CDH22: variants seen among roughly 807,000 people sequenced by gnomAD.
The protein encoded by CDH22 is cadherin-22.
Under a neutral mutation model 58.4 loss-of-function variants are expected in CDH22, and 30 were observed. The observed-to-expected ratio is 0.51, with a 90% CI of 0.38 to 0.70. The LOEUF is 0.70. Ranked by LOEUF, CDH22 falls within the 30% of genes least tolerant of loss-of-function variation. CDH22 has a pLI of 0.00. For synonymous variants in CDH22, 513 were observed against 558.2 expected, an observed-to-expected ratio of 0.92 and a Z score of 1.14; for missense variants, 1,014 against 1,233.9, an observed-to-expected ratio of 0.82 and a Z score of 2.67.
At chr20:46,306,440 C>T (rs1393573352) in intron 1 of CDH22, among the ~76,000 whole-genome samples, 1 of 152,358 alleles carries the variant, frequency 6.6e-6, no homozygotes, top group Admixed American at 6.5e-5. Context: ...GATGGGGCCA[C>T]CCAAGAGGTA....
intron 4 of CDH22, among the ~76,000 whole-genome samples, chr20:46,217,524 A>T (rs528001694): frequency 6.6e-6 from 1 of 152,268 alleles, no homozygotes; most frequent in East Asian, 1.9e-4. Flanking sequence ...ACACACACTC[A>T]TATACCTTAC....
intron 4 of CDH22, among the ~76,000 whole-genome samples, chr20:46,221,524 G>A (rs1718472904): frequency 6.6e-6 from 1 of 152,182 alleles, no homozygotes; most frequent in Non-Finnish European, 1.5e-5. Context: ...TCTCAGGACT[G>A]TGTTCCAGGA....
chr20:46,221,378 C>T (rs1179759698), intron 4 of CDH22, among the ~76,000 whole-genome samples: 1 of 148,532 alleles, frequency 6.7e-6, no homozygotes, highest in African/African-American at 2.5e-5. Context: ...ACTCACGCAT[C>T]TGAGCCTAAA....
intron 4 of CDH22, among the ~76,000 whole-genome samples, chr20:46,225,918 G>A (rs1006390341): frequency 1.3e-5 from 2 of 151,914 alleles, no homozygotes; most frequent in African/African-American, 4.8e-5. Context: ...CTCATGGATT[G>A]GAATCCTCTC....
chr20:46,307,265 TC>T (rs1251153100), intron 1 of CDH22, among the ~76,000 whole-genome samples: 1 of 152,180 alleles, frequency 6.6e-6, no homozygotes, highest in African/African-American at 2.4e-5. Context: ...CCTCGGGGGA[TC>T]CTGGATCAGC....
chr20:46,240,617 C>A (rs1033219927), intron 3 of CDH22, among the ~76,000 whole-genome samples: 9 of 152,020 alleles, frequency 5.9e-5, no homozygotes, highest in African/African-American at 2.2e-4. Flanking sequence ...GAGTTGTATG[C>A]GGGGCTGGGC....
chr20:46,295,394 G>A (rs1012949325), intron 1 of CDH22, among the ~76,000 whole-genome samples: 1 of 152,162 alleles, frequency 6.6e-6, no homozygotes, highest in East Asian at 1.9e-4. Context: ...CTGTGTTCCC[G>A]AATCCCTCAT....
At chr20:46,189,199 G>T (rs573421680) in intron 8 of CDH22, among the ~76,000 whole-genome samples, 5 of 152,202 alleles carry the variant, frequency 3.3e-5, no homozygotes, top group Admixed American at 1.3e-4. Context: ...TTAGCCAGGG[G>T]CACATTATCT....
At chr20:46,253,253 C>T (rs1320219912) in intron 1 of CDH22, among the ~76,000 whole-genome samples, 1 of 152,212 alleles carries the variant, frequency 6.6e-6, no homozygotes, top group Non-Finnish European at 1.5e-5. Context: ...TTGCAGATGC[C>T]TAATTCCCCA....
intron 7 of CDH22, among the ~76,000 whole-genome samples, chr20:46,204,288 T>A (rs909595909): frequency 6.7e-5 from 10 of 149,304 alleles, no homozygotes; most frequent in African/African-American, 2.2e-4. Context: ...CAGCTACTCA[T>A]GAGGCTGAGG....
chr20:46,211,394 G>A lies in CDH22; in HGVS notation c.1033-834C>T, dbSNP rs137940485. 6.6e-5 allele frequency among the ~76,000 whole-genome samples: 10 copies of A among 152,230 alleles called. No homozygotes were observed. The East Asian group carries it at 1.7e-3, about 26-fold the overall frequency. On this transcript the variant is annotated intron_variant, in intron 6 of 11. Transcript: ENST00000537909. Reference sequence around the variant, plus strand: ...ATTGCTCTCAGAATCCCCCACCCCCGACTTCTCCAGCAGCAAAAACAGCCG... The same window carrying A: ...ATTGCTCTCAGAATCCCCCACCCCCAACTTCTCCAGCAGCAAAAACAGCCG...
chr20:46,177,737 T>C (rs1454922514), intron 11 of CDH22, among the ~76,000 whole-genome samples: 1 of 152,162 alleles, frequency 6.6e-6, no homozygotes, highest in Non-Finnish European at 1.5e-5. Flanking sequence ...TGGGCCACAG[T>C]GAGCTCATCC....
chr20:46,202,257 A>G (rs968161809), intron 7 of CDH22, among the ~76,000 whole-genome samples: 8 of 152,066 alleles, frequency 5.3e-5, no homozygotes, highest in African/African-American at 1.7e-4. Context: ...AAAGGTGACA[A>G]TGAGCTAGTG....
chr20:46,208,211 C>T (rs1019050783), intron 7 of CDH22, among the ~76,000 whole-genome samples: 4 of 152,238 alleles, frequency 2.6e-5, no homozygotes, highest in Middle Eastern at 3.2e-3. Flanking sequence ...GCCATCCCCC[C>T]AGCCCCTAAC....
At chr20:46,192,584 A>T (rs2085868778) in intron 8 of CDH22, among the ~76,000 whole-genome samples, 1 of 145,550 alleles carries the variant, frequency 6.9e-6, no homozygotes, top group Admixed American at 6.9e-5. Flanking sequence ...GTGGAGTGGG[A>T]GGGGGAGAGA....
At chr20:46,175,914 G>A (rs2085735152) in intron 11 of CDH22, among the ~76,000 whole-genome samples, 1 of 152,230 alleles carries the variant, frequency 6.6e-6, no homozygotes, top group Non-Finnish European at 1.5e-5. Context: ...CCTGGGAAAT[G>A]TTCCTCTATC....
intron 7 of CDH22, among the ~76,000 whole-genome samples, chr20:46,205,548 C>T (rs6131035): frequency 1.3e-5 from 2 of 152,224 alleles, no homozygotes; most frequent in South Asian, 2.1e-4. Context: ...AGGAAGTGTT[C>T]GCTTCCTCTG....
intron 1 of CDH22, among the ~76,000 whole-genome samples, chr20:46,305,396 G>A (rs2086670508): frequency 6.6e-6 from 1 of 152,210 alleles, no homozygotes. Context: ...ACTCTTGCGG[G>A]GGGCATGAGG....
chr20:46,245,720 A>G (rs2086323613), intron 2 of CDH22, among the ~76,000 whole-genome samples: 1 of 152,202 alleles, frequency 6.6e-6, no homozygotes, highest in African/African-American at 2.4e-5. Context: ...GGATTTCTGG[A>G]GGATTCAGCC....
Sources: allele counts gnomAD v4.1 joint callset (sites outside exome capture counted in the v4.1 genomes callset), GRCh38; gene constraint gnomAD v4.1.1; transcripts MANE v1.5; gene names NCBI Gene and HGNC (gene_info 2026-07-23, HGNC 2026-07-21).